CALN1: variants seen among roughly 807,000 people sequenced by gnomAD.
CALN1 encodes calcium-binding protein 8.
In CALN1, 17 loss-of-function variants were observed where a neutral mutation model predicts 30.6. The observed-to-expected ratio is 0.56, with a 90% CI of 0.38 to 0.83. The LOEUF (loss-of-function observed/expected upper bound fraction) is 0.83. Ranked by LOEUF, CALN1 falls within the 40% of genes least tolerant of loss-of-function variation. The pLI, the probability that CALN1 is intolerant of heterozygous loss-of-function variation, is 0.00. For synonymous variants in CALN1, 156 were observed against 131.4 expected (o/e 1.19, Z -1.28); for missense variants, 291 against 354.9 (o/e 0.82, Z 1.45).
intron 1 of CALN1, among the ~76,000 whole-genome samples, chr7:72,404,646 G>A (rs970137609): frequency 1.3e-5 from 2 of 152,104 alleles, no homozygotes; most frequent in African/African-American, 2.4e-5. Context: ...TTGTATCCTG[G>A]GAAGAGTCCC....
rs767744334 is a variant in CALN1, at chr7:72,293,383, C to A, written c.120-14573G>T. Among the ~76,000 whole-genome samples the A allele has an allele frequency of 5.9e-4, 90 of 152,128 alleles. 2 individuals are homozygous for A. Among genetic ancestry groups the A allele is most frequent in the Non-Finnish European group, 7.4e-5 (5 of 68,024 alleles). ...GGAAAGGCTTTGCTCTGCCAAGATT[C>A]AAAGCAAGAACCACTAAAAAGAGAC... On this transcript the variant is annotated intron_variant, in intron 2 of 6. Transcript: ENST00000395275.
intron 2 of CALN1, among the ~76,000 whole-genome samples, chr7:72,319,852 G>A (rs1188966315): frequency 6.6e-6 from 1 of 152,042 alleles, no homozygotes; most frequent in Admixed American, 6.5e-5. Context: ...GACTCAGAAA[G>A]GTAGGAGGGT....
intron 5 of CALN1, among the ~76,000 whole-genome samples, chr7:71,898,518 A>C (rs1405271349): frequency 1.3e-5 from 2 of 152,196 alleles, no homozygotes; most frequent in Non-Finnish European, 2.9e-5. Flanking sequence ...AAGATCTGAC[A>C]TAAGGTTTAT....
Position 71,971,952 on chromosome 7 carries a change from A to G in CALN1, c.501+51705T>C, listed in dbSNP as rs1446554603. The stretch of plus-strand genomic sequence containing the variant: ...TCTCAAAAAAAAAAAAAAAAAAAAA[A>G]AAAAGAAAGAAAGAAAGAAAGAAAG... On this transcript the variant is annotated intron_variant, in intron 5 of 6. Coordinates refer to ENST00000395275, the MANE Select transcript of CALN1 (RefSeq NM_031468.4). Among the ~76,000 whole-genome samples, 47 of 112,654 alleles carry G rather than the reference A, an allele frequency of 4.2e-4. 1 individual carries two copies. Among genetic ancestry groups the G allele is most frequent in the African/African-American group, 1.8e-3 (44 of 23,890 alleles). 73.9% of individuals were successfully genotyped at this position (112,654 alleles called of 152,430 possible).
At chr7:72,502,240 A>AG in the CALN1 span, among the ~76,000 whole-genome samples, 1 of 149,548 alleles carries the variant, frequency 6.7e-6, no homozygotes, top group Admixed American at 6.7e-5. Flanking sequence ...TGGGGCGGGG[A>AG]GGAATTATTT....
chr7:71,968,438 CTT>C (rs1797633566), intron 5 of CALN1, among the ~76,000 whole-genome samples: 1 of 152,206 alleles, frequency 6.6e-6, no homozygotes, highest in East Asian at 1.9e-4. Context: ...GAAATACTCT[CTT>C]TTATTTTCGA....
chr7:72,314,408 C>A (rs1800289405), intron 2 of CALN1, among the ~76,000 whole-genome samples: 1 of 144,878 alleles, frequency 6.9e-6, no homozygotes, highest in Non-Finnish European at 1.5e-5. Context: ...CATATATACA[C>A]ATATATATAC....
intron 3 of CALN1, among the ~76,000 whole-genome samples, chr7:72,169,852 G>A (rs576725010): frequency 3.8e-4 from 57 of 151,828 alleles, no homozygotes; most frequent in African/African-American, 1.3e-3. Flanking sequence ...CACCACACCC[G>A]GCTAGTTTTT....
intron 2 of CALN1, among the ~76,000 whole-genome samples, chr7:72,335,303 C>G (rs959836503): frequency 1.3e-5 from 2 of 152,146 alleles, no homozygotes; most frequent in African/African-American, 2.4e-5. Context: ...AGCTCTGATG[C>G]CCGAATTGAA....
At chr7:72,412,933 C>T (rs948097124), upstream of CALN1, among the ~76,000 whole-genome samples, 1 of 152,194 alleles carries the variant, frequency 6.6e-6, no homozygotes, top group Non-Finnish European at 1.5e-5. Flanking sequence ...GGGTTACCCT[C>T]TTTCTCCTGG....
At chr7:72,321,219 T>A (rs1800856204) in intron 2 of CALN1, among the ~76,000 whole-genome samples, 1 of 152,310 alleles carries the variant, frequency 6.6e-6, no homozygotes, top group African/African-American at 2.4e-5. Flanking sequence ...ATTTATTGTC[T>A]TCATCTCAAG....
chr7:71,950,404 T>G (rs796323270), intron 5 of CALN1, among the ~76,000 whole-genome samples: 2 of 152,312 alleles, frequency 1.3e-5, no homozygotes, highest in African/African-American at 4.8e-5. Flanking sequence ...CACGCATTTT[T>G]GGATATTGCA....
chr7:71,806,907 T>G (rs1297960084), intron 6 of CALN1, among the ~76,000 whole-genome samples: 5 of 152,250 alleles, frequency 3.3e-5, no homozygotes, highest in Non-Finnish European at 7.3e-5. Flanking sequence ...CCTACTGTCA[T>G]TAAACTGTTT....
intron 4 of CALN1, among the ~76,000 whole-genome samples, chr7:72,091,377 A>C (rs977284968): frequency 6.6e-6 from 1 of 151,910 alleles, no homozygotes; most frequent in Non-Finnish European, 1.5e-5. Flanking sequence ...GTATATTTCA[A>C]AATAACTAAA....
At chr7:72,229,332 G>A (rs1411163273) in intron 3 of CALN1, among the ~76,000 whole-genome samples, 1 of 152,066 alleles carries the variant, frequency 6.6e-6, no homozygotes, top group African/African-American at 2.4e-5. Flanking sequence ...AAAGATGGAA[G>A]AGGAAAGCAG....
intron 5 of CALN1, among the ~76,000 whole-genome samples, chr7:71,830,538 G>A (rs1789210867): frequency 5.3e-5 from 8 of 151,598 alleles, no homozygotes; most frequent in Admixed American, 5.3e-4. Flanking sequence ...AGTAGAGATG[G>A]GGTTTCACTA....
intron 3 of CALN1, among the ~76,000 whole-genome samples, chr7:72,250,679 G>A (rs1303467173): frequency 6.6e-6 from 1 of 151,994 alleles, no homozygotes; most frequent in Admixed American, 6.6e-5. Context: ...AGTTCATGTG[G>A]GAGCTGGTTG....
chr7:72,141,478 C>A (rs574713199), intron 3 of CALN1, among the ~76,000 whole-genome samples: 1 of 152,102 alleles, frequency 6.6e-6, no homozygotes, highest in South Asian at 2.1e-4. Flanking sequence ...CACTTTGAGA[C>A]CACCGACCCT....
intron 1 of CALN1, among the ~76,000 whole-genome samples, chr7:72,410,538 A>C (rs1467580089): frequency 6.6e-6 from 1 of 152,234 alleles, no homozygotes; most frequent in African/African-American, 2.4e-5. Context: ...TTTTAAGTCC[A>C]CATCTGAAAA....
Sources: allele counts gnomAD v4.1 joint callset (sites outside exome capture counted in the v4.1 genomes callset), GRCh38; gene constraint gnomAD v4.1.1; transcripts MANE v1.5; gene names NCBI Gene and HGNC (gene_info 2026-07-23, HGNC 2026-07-21).